Variants in ANAPC10 observed in about 807,000 individuals in gnomAD.
ANAPC10 encodes the protein anaphase-promoting complex subunit 10.
ANAPC10 carries 12 observed loss-of-function variants against 22.0 expected under a neutral mutation model. The ratio of observed to expected loss-of-function variants is 0.55; its 90% CI spans 0.35 to 0.88. ANAPC10 has a LOEUF of 0.88. Among genes scored for constraint, ANAPC10 ranks in the 40% least tolerant of loss-of-function variants. The pLI, the probability that ANAPC10 is intolerant of heterozygous loss-of-function variation, is 0.01. For synonymous variants in ANAPC10, 65 were observed against 69.5 expected (o/e 0.94, Z 0.32); for missense variants, 188 against 220.9 (o/e 0.85, Z 0.94).
chr4:145,093,766 A>G (rs1049811809), intron 2 of ANAPC10, among the ~76,000 whole-genome samples: 3 of 152,174 alleles, frequency 2.0e-5, no homozygotes, highest in African/African-American at 7.2e-5. Context: ...AAGACAGGCC[A>G]ATGAAAAATA....
intron 4 of ANAPC10, among the ~76,000 whole-genome samples, chr4:145,005,083 G>T (rs541528161): frequency 6.6e-6 from 1 of 152,090 alleles, no homozygotes; most frequent in South Asian, 2.1e-4. Flanking sequence ...ATATTTCCAA[G>T]AATGTATCCA....
chr4:145,023,583 T>C (rs1356864831), intron 4 of ANAPC10, among the ~76,000 whole-genome samples: 1 of 152,204 alleles, frequency 6.6e-6, no homozygotes, highest in East Asian at 1.9e-4. Flanking sequence ...CACAAATTTT[T>C]TGGTTTACCA....
chr4:145,077,882 A>G (rs771458925), intron 3 of ANAPC10, among the ~76,000 whole-genome samples: 18 of 152,276 alleles, frequency 1.2e-4, no homozygotes, highest in Middle Eastern at 3.4e-3. Context: ...TCAAAATAAT[A>G]AGGGCCATCT....
intron 4 of ANAPC10, among the ~76,000 whole-genome samples, chr4:145,016,794 C>T (rs1440947396): frequency 3.9e-5 from 6 of 152,116 alleles, no homozygotes; most frequent in Non-Finnish European, 8.8e-5. Context: ...TGCAACAGAA[C>T]AGAGCCCTCA....
intron 4 of ANAPC10, among the ~76,000 whole-genome samples, chr4:145,024,484 G>T (rs1019453212): frequency 6.6e-6 from 1 of 152,186 alleles, no homozygotes; most frequent in Non-Finnish European, 1.5e-5. Flanking sequence ...CTGCAGAACA[G>T]ATGTTGTATC....
chr4:145,032,901 A>G (rs1663539550), intron 4 of ANAPC10: 1 of 152,224 alleles, frequency 6.6e-6, no homozygotes, highest in South Asian at 2.1e-4. Flanking sequence ...TCCTGCATGC[A>G]ATGCTTCTGC....
intron 4 of ANAPC10, among the ~76,000 whole-genome samples, chr4:145,002,588 C>A (rs1013666414): frequency 6.6e-6 from 1 of 152,058 alleles, no homozygotes; most frequent in Non-Finnish European, 1.5e-5. Flanking sequence ...AAAAGAACAA[C>A]TAGATAGAGT....
Position 144,995,613 on chromosome 4 carries a change from G to GA in ANAPC10, c.328-11dup, listed in dbSNP as rs767238162. The GA allele has an allele frequency of 3.5e-5, 54 of 1,564,242 alleles. No homozygotes were observed. The highest frequency in any genetic ancestry group is 9.4e-5 in the Admixed American group (5 of 53,376). ...CCACCAACTCAAGTTGCTGCCAAGG[G>GA]AAAAAAAATCAGATTATGCTTTTAT... On this transcript the variant is annotated splice_polypyrimidine_tract_variant and intron_variant, in intron 4 of 4. Coordinates refer to ENST00000507656, the MANE Select transcript of ANAPC10 (RefSeq NM_001256706.2).
Position 145,090,436 on chromosome 4 carries a change from T to C in ANAPC10, c.115+5549A>G, listed in dbSNP as rs1252388791. Among the ~76,000 whole-genome samples, 2 of 152,220 alleles carry C rather than the reference T, an allele frequency of 1.3e-5. 1 individual carries two copies. ...TTGCTTTTATGTCCTTAGTGAAATC[T>C]TATTCTTGCTTCATCATACAGAATA... On this transcript the variant is annotated intron_variant, in intron 2 of 4. Transcript: ENST00000507656.
chr4:145,018,050 T>C (rs1735447912), intron 4 of ANAPC10, among the ~76,000 whole-genome samples: 2 of 151,298 alleles, frequency 1.3e-5, no homozygotes, highest in Non-Finnish European at 2.9e-5. Context: ...CACACCAACA[T>C]GGCACATGTA....
At chr4:145,014,785 C>G (rs1734851539) in intron 4 of ANAPC10, among the ~76,000 whole-genome samples, 3 of 152,138 alleles carry the variant, frequency 2.0e-5, no homozygotes, top group South Asian at 2.1e-4. Context: ...ATGCCCAGTA[C>G]CAGTCCGGAG....
Position 145,001,968 on chromosome 4 carries a change from C to T in ANAPC10, c.328-6365G>A, listed in dbSNP as rs192309021. Among the ~76,000 whole-genome samples the T allele has an allele frequency of 2.5e-3, 373 of 152,112 alleles. 2 individuals carry two copies. The highest frequency in any genetic ancestry group is 4.3e-3 in the Admixed American group (65 of 15,274). On this transcript the variant is annotated intron_variant, in intron 4 of 4. Transcript: ENST00000507656. ...TAAAAAACATGTCAAATATTAAGTACAAAACTGTTTACATGTCTTCCTACT... is the reference window on the plus strand; with the variant it reads ...TAAAAAACATGTCAAATATTAAGTATAAAACTGTTTACATGTCTTCCTACT...
chr4:145,037,455 A>T (rs545793824), intron 4 of ANAPC10, among the ~76,000 whole-genome samples: 1 of 152,290 alleles, frequency 6.6e-6, no homozygotes, highest in Admixed American at 6.5e-5. Flanking sequence ...ATTGAAAAGA[A>T]AGAAAGGTTA....
intron 4 of ANAPC10, among the ~76,000 whole-genome samples, chr4:145,060,944 T>C (rs1048619050): frequency 6.6e-6 from 1 of 152,090 alleles, no homozygotes; most frequent in African/African-American, 2.4e-5. Flanking sequence ...CAAAGATGTA[T>C]AATTAAAAGA....
intron 4 of ANAPC10, among the ~76,000 whole-genome samples, chr4:145,060,627 C>T (rs996714896): frequency 2.0e-5 from 3 of 151,798 alleles, no homozygotes; most frequent in African/African-American, 7.3e-5. Context: ...CTACACTACA[C>T]CCTCCAGTGG....
intron 4 of ANAPC10, among the ~76,000 whole-genome samples, chr4:145,038,568 T>C (rs1351504014): frequency 6.6e-6 from 1 of 152,052 alleles, no homozygotes; most frequent in African/African-American, 2.4e-5. Context: ...CTCATGCCTG[T>C]AATCCCAGCA....
At chr4:145,054,640 T>TCAC (rs1741722241) in intron 4 of ANAPC10, among the ~76,000 whole-genome samples, 1 of 90,278 alleles carries the variant, frequency 1.1e-5, no homozygotes, top group African/African-American at 4.0e-5. Flanking sequence ...TGTGTGTGTG[T>TCAC]GCGCGCGCGC....
chr4:145,065,688 G>A (rs1743571374), intron 3 of ANAPC10, among the ~76,000 whole-genome samples: 1 of 151,808 alleles, frequency 6.6e-6, no homozygotes, highest in Admixed American at 6.6e-5. Flanking sequence ...GCCATTCAAC[G>A]AACTGCTATA....
chr4:145,081,471 AAAAAT>A, intron 3 of ANAPC10, 184 bp downstream of exon 3: 1 of 440,978 alleles, frequency 2.3e-6, no homozygotes, highest in Non-Finnish European at 4.0e-6. Flanking sequence ...AAAATTCATA[AAAAAT>A]AAGACAGAGT....
Sources: gnomAD v4.1 joint callset for allele counts (sites outside exome capture counted in the v4.1 genomes callset) on GRCh38, gnomAD v4.1.1 for gene constraint, MANE v1.5 for transcripts, NCBI Gene and HGNC (gene_info 2026-07-23, HGNC 2026-07-21) for gene names.